Variants in DEGS2 observed in about 807,000 individuals in gnomAD.
DEGS2 encodes delta 4-desaturase, sphingolipid 2.
In DEGS2, 19 loss-of-function variants were observed where a neutral mutation model predicts 23.8. That is an observed-to-expected ratio of 0.80 (90% CI 0.56 to 1.17). The LOEUF (loss-of-function observed/expected upper bound fraction) is 1.17, where lower values mean the gene tolerates loss of function less well. DEGS2 is among the 50% of genes most tolerant of loss of function. The probability of loss-of-function intolerance (pLI) is 0.00; values close to 1 mark genes in which losing one functional copy is unlikely to be tolerated. For missense variants in DEGS2, 390 were observed against 459.5 expected, an observed-to-expected ratio of 0.85 and a Z score of 1.38; for synonymous variants, 218 against 213.7, an observed-to-expected ratio of 1.02 and a Z score of -0.18.
chr14:100,165,867 A>G, the DEGS2 span, among the ~76,000 whole-genome samples: 7 of 136,026 alleles, frequency 5.1e-5, no homozygotes, highest in Non-Finnish European at 1.1e-4. Context: ...GGGAGACTGC[A>G]TCAAAGAGTA....
the DEGS2 span, among the ~76,000 whole-genome samples, chr14:100,165,651 C>T: frequency 2.8e-4 from 43 of 152,288 alleles, 1 homozygote; most frequent in South Asian, 7.2e-3. Flanking sequence ...CCGCTCCGAA[C>T]TCAGGACCTG....
intron 2 of DEGS2, among the ~76,000 whole-genome samples, chr14:100,148,019 G>A (rs1175087092): frequency 3.3e-5 from 5 of 152,152 alleles, no homozygotes; most frequent in Admixed American, 1.3e-4. Flanking sequence ...GCAGAGCACC[G>A]CCTTGGTACT....
rs982808188 is a variant in DEGS2 at position 100,146,686 on chromosome 14, T to C, written c.*75A>G. On this transcript the variant is annotated 3_prime_UTR_variant, in exon 3 of 3. Transcript: ENST00000305631. ...CAGTCCAGAGCACAGGAAGGAAATG[T>C]AGCTTCTCAGTGCTGGGGTGCAAGG... 60 of 1,561,072 alleles carry C rather than the reference T, an allele frequency of 3.8e-5. No homozygotes were observed. Among genetic ancestry groups the C allele is most frequent in the Admixed American group, 7.4e-5 (4 of 53,842 alleles).
At chr14:100,153,970 C>T (rs1238464721) in intron 1 of DEGS2, among the ~76,000 whole-genome samples, 1 of 152,192 alleles carries the variant, frequency 6.6e-6, no homozygotes, top group Non-Finnish European at 1.5e-5. Context: ...GGACCCCCGA[C>T]TCCAGGCCTG....
upstream of DEGS2, among the ~76,000 whole-genome samples, chr14:100,162,144 G>A (rs985006519): frequency 2.0e-5 from 3 of 149,106 alleles, no homozygotes; most frequent in Non-Finnish European, 3.0e-5. Flanking sequence ...TCAGGAGATC[G>A]AGACTATCCT....
In DEGS2 at chr14:100,149,433, G is replaced by T. The variant is rs200031641; in HGVS notation, c.360C>A (p.Tyr120Ter). 6.3e-7 allele frequency: 1 copy of T among 1,599,340 alleles called. No individual in the cohort carries two copies. Among genetic ancestry groups the T allele is most frequent in the South Asian group, 1.1e-5 (1 of 89,272 alleles). ...CGTGGTACTTCTTGAAGGAGGCGGCGTAGGGCACACCCACGGGCAGGTTGG... is the reference window on the plus strand; with the variant it reads ...CGTGGTACTTCTTGAAGGAGGCGGCTTAGGGCACACCCACGGGCAGGTTGG... ...VFANLPVGVP[Y>*]AASFKKYHVD... is the part of the protein sequence containing the mutation. The change falls in exon 2 of 3, where the codon TAC becomes TAA. Residue 120 changes from tyrosine to a stop codon, truncating the protein, a stop_gained. Transcript: ENST00000305631. LOFTEE classifies it high-confidence loss of function.
intron 2 of DEGS2, among the ~76,000 whole-genome samples, chr14:100,147,659 C>G (rs1595273728): frequency 1.3e-4 from 1 of 7,478 alleles, no homozygotes; most frequent in Non-Finnish European, 6.1e-4. Flanking sequence ...GCCCTCCCTG[C>G]CCCCCCCCCC....
intron 1 of DEGS2, among the ~76,000 whole-genome samples, chr14:100,152,916 G>A (rs1390423363): frequency 3.3e-5 from 5 of 152,012 alleles, no homozygotes; most frequent in Non-Finnish European, 5.9e-5. Context: ...AAAGAAGGAA[G>A]GGAGGGAGGG....
chr14:100,147,782 G>T (rs1034954527), intron 2 of DEGS2, among the ~76,000 whole-genome samples: 4 of 151,924 alleles, frequency 2.6e-5, no homozygotes, highest in African/African-American at 9.7e-5. Context: ...GGCACCCAGA[G>T]CCTCTCACTT....
intron 1 of DEGS2, among the ~76,000 whole-genome samples, chr14:100,155,920 G>A (rs969262088): frequency 6.6e-6 from 1 of 152,046 alleles, no homozygotes; most frequent in Non-Finnish European, 1.5e-5. Context: ...GCCTGGCTGG[G>A]TCTCTGATGG....
chr14:100,152,816 C>T (rs116433754), intron 1 of DEGS2, among the ~76,000 whole-genome samples: 25 of 152,038 alleles, frequency 1.6e-4, no homozygotes, highest in African/African-American at 5.5e-4. Flanking sequence ...TGCAGACAGT[C>T]TGTCATGGGA....
At chr14:100,163,647 A>G (rs1889774843), upstream of DEGS2, among the ~76,000 whole-genome samples, 1 of 152,174 alleles carries the variant, frequency 6.6e-6, no homozygotes, top group African/African-American at 2.4e-5. Context: ...TGTAATTACA[A>G]TTTAATTATA....
upstream of DEGS2, among the ~76,000 whole-genome samples, chr14:100,160,720 G>A (rs1195888699): frequency 6.6e-6 from 1 of 152,220 alleles, no homozygotes; most frequent in Non-Finnish European, 1.5e-5. Flanking sequence ...GGAAGTCCAT[G>A]GCCCGGGGTT....
At chr14:100,160,806 T>A (rs1020628212), upstream of DEGS2, among the ~76,000 whole-genome samples, 7 of 152,166 alleles carry the variant, frequency 4.6e-5, no homozygotes, top group African/African-American at 1.4e-4. Context: ...GGCATGGGTG[T>A]CCTGCAGCCG....
At chr14:100,162,529 A>G (rs1423134295), upstream of DEGS2, among the ~76,000 whole-genome samples, 3 of 152,064 alleles carry the variant, frequency 2.0e-5, no homozygotes, top group East Asian at 5.8e-4. Flanking sequence ...TTGGCCTCCC[A>G]AAGTGCTGGG....
chr14:100,166,712 A>G, the DEGS2 span, among the ~76,000 whole-genome samples: 1 of 152,140 alleles, frequency 6.6e-6, no homozygotes. Context: ...AGACAGGGCC[A>G]TGAGGGGTCA....
chr14:100,159,181 C>A (rs1301744929), intron 1 of DEGS2, among the ~76,000 whole-genome samples: 1 of 152,092 alleles, frequency 6.6e-6, no homozygotes, highest in East Asian at 1.9e-4. Flanking sequence ...GGGGCCGCCC[C>A]TGCGCCCTCG....
At chr14:100,148,234 CATA>C (rs1270074806) in intron 2 of DEGS2, among the ~76,000 whole-genome samples, 3 of 152,260 alleles carry the variant, frequency 2.0e-5, no homozygotes, top group Non-Finnish European at 4.4e-5. Flanking sequence ...GGCACCCACA[CATA>C]ATCACAGGGC....
At chr14:100,164,333 G>A (rs1256533560), upstream of DEGS2, among the ~76,000 whole-genome samples, 1 of 152,052 alleles carries the variant, frequency 6.6e-6, no homozygotes, top group East Asian at 1.9e-4. Flanking sequence ...CAAAGGAGTT[G>A]CTGTTAATAA....
Sources: gnomAD v4.1 joint callset for allele counts (sites outside exome capture counted in the v4.1 genomes callset) on GRCh38, gnomAD v4.1.1 for gene constraint, MANE v1.5 for transcripts, NCBI Gene and HGNC (gene_info 2026-07-23, HGNC 2026-07-21) for gene names.